Variants in ADAMTS6 observed in about 807,000 individuals in gnomAD.
ADAMTS6 encodes ADAM metallopeptidase with thrombospondin type 1 motif 6.
ADAMTS6 carries 23 observed loss-of-function variants against 144.3 expected under a neutral mutation model. The observed-to-expected ratio is 0.16, with a 90% CI of 0.11 to 0.23. ADAMTS6 has a LOEUF of 0.23. Ranked by LOEUF, ADAMTS6 falls within the 10% of genes least tolerant of loss-of-function variation. The pLI is 1.00. For missense variants in ADAMTS6, 999 were observed against 1,379.6 expected (o/e 0.72, Z 4.37); for synonymous variants, 444 against 457.5 (o/e 0.97, Z 0.38).
chr5:65,227,531 A>C (rs1757818676), intron 15 of ADAMTS6, among the ~76,000 whole-genome samples: 1 of 152,240 alleles, frequency 6.6e-6, no homozygotes, highest in African/African-American at 2.4e-5. Context: ...GAAATAAAGA[A>C]GACTACTTCT....
intron 20 of ADAMTS6, among the ~76,000 whole-genome samples, chr5:65,199,553 C>T (rs1260886937): frequency 6.6e-6 from 1 of 152,036 alleles, no homozygotes; most frequent in Admixed American, 6.6e-5. Flanking sequence ...TGGAAAATTA[C>T]ACAAAACCAC....
At chr5:65,360,869 T>C (rs937091691) in intron 7 of ADAMTS6, among the ~76,000 whole-genome samples, 3 of 152,236 alleles carry the variant, frequency 2.0e-5, no homozygotes, top group Non-Finnish European at 4.4e-5. Flanking sequence ...CTTACTGCTG[T>C]ATATCTGATA....
chr5:65,326,131 T>C (rs930749980), intron 9 of ADAMTS6, among the ~76,000 whole-genome samples: 4 of 152,134 alleles, frequency 2.6e-5, no homozygotes, highest in Admixed American at 2.0e-4. Context: ...CTTGTTAAGA[T>C]TATTTGTTTT....
intron 7 of ADAMTS6, among the ~76,000 whole-genome samples, chr5:65,444,013 A>G (rs1758073779): frequency 6.6e-6 from 1 of 152,194 alleles, no homozygotes; most frequent in African/African-American, 2.4e-5. Flanking sequence ...AACAAATAAA[A>G]GTCATTCATT....
intron 24 of ADAMTS6, among the ~76,000 whole-genome samples, chr5:65,161,929 T>C (rs1752805147): frequency 6.6e-6 from 1 of 152,248 alleles, no homozygotes; most frequent in Non-Finnish European, 1.5e-5. Flanking sequence ...GCAGGATTAA[T>C]AATTTCCTAA....
rs543258645 is a variant in ADAMTS6 at position 65,175,399 on chromosome 5, A to G, written c.2911-2391T>C. Among the ~76,000 whole-genome samples, 165 of 25,846 alleles carry G rather than the reference A, an allele frequency of 6.4e-3. 1 individual carries two copies. The highest frequency in any genetic ancestry group is 0.015 in the African/African-American group (152 of 9,840). The allele number at this position is 25,846 out of a possible 152,430, so 17.0% of individuals were successfully genotyped here. ...GAGAGAAATATACCAGAAGTTAAGG[A>G]AAAAAAAACAGTGTACCCTATTCCT... On this transcript the variant is annotated intron_variant, in intron 22 of 24. Transcript: ENST00000381055.
chr5:65,242,940 C>T (rs1261694594), intron 14 of ADAMTS6, among the ~76,000 whole-genome samples: 1 of 152,032 alleles, frequency 6.6e-6, no homozygotes, highest in African/African-American at 2.4e-5. Flanking sequence ...TTCAGAAATG[C>T]TTCTGAAGTT....
At chr5:65,252,488 G>A (rs1199890006) in intron 14 of ADAMTS6, among the ~76,000 whole-genome samples, 1 of 151,530 alleles carries the variant, frequency 6.6e-6, no homozygotes, top group Non-Finnish European at 1.5e-5. Flanking sequence ...TGATCCACCT[G>A]CCTTGGCCTC....
chr5:65,392,628 T>C (rs1456409093), intron 7 of ADAMTS6, among the ~76,000 whole-genome samples: 2 of 152,202 alleles, frequency 1.3e-5, no homozygotes, highest in East Asian at 1.9e-4. Flanking sequence ...TATTTAGCAC[T>C]GACCCTAACC....
At chr5:65,201,038 T>C (rs1387316047) in intron 20 of ADAMTS6, among the ~76,000 whole-genome samples, 1 of 152,214 alleles carries the variant, frequency 6.6e-6, no homozygotes, top group Non-Finnish European at 1.5e-5. Flanking sequence ...TTTTATACAA[T>C]GGGAAGAAGG....
chr5:65,416,177 A>C (rs10065173), intron 7 of ADAMTS6: 50,763 of 171,120 alleles, frequency 0.3, 8,594 homozygotes, highest in South Asian at 0.39. Flanking sequence ...CCCACTCCAG[A>C]GTCTCCATGC....
At chr5:65,201,178 C>T (rs1339699212) in intron 20 of ADAMTS6, among the ~76,000 whole-genome samples, 1 of 152,066 alleles carries the variant, frequency 6.6e-6, no homozygotes, top group African/African-American at 2.4e-5. Context: ...GGATGGAAAC[C>T]ATCTGCTGTT....
At chr5:65,389,677 CT>C (rs1323801490) in intron 7 of ADAMTS6, among the ~76,000 whole-genome samples, 2 of 151,222 alleles carry the variant, frequency 1.3e-5, no homozygotes, top group Admixed American at 6.6e-5. Context: ...TTTTTCCCCC[CT>C]ATACATTTAT....
chr5:65,317,175 GA>G (rs1480039468), intron 9 of ADAMTS6, among the ~76,000 whole-genome samples: 1 of 152,146 alleles, frequency 6.6e-6, no homozygotes, highest in East Asian at 1.9e-4. Flanking sequence ...CTGACGGAGT[GA>G]AAAGGAGAAG....
chr5:65,230,087 G>T (rs1433717053), intron 15 of ADAMTS6, among the ~76,000 whole-genome samples: 1 of 151,772 alleles, frequency 6.6e-6, no homozygotes, highest in Non-Finnish European at 1.5e-5. Flanking sequence ...GCCAGAAGAG[G>T]CTGATAGCTA....
intron 14 of ADAMTS6, 28 bp downstream of exon 14, chr5:65,260,572 T>G (rs775147081): frequency 4.3e-5 from 69 of 1,604,346 alleles, no homozygotes; most frequent in Non-Finnish European, 5.8e-5. Flanking sequence ...TAAGCTAATT[T>G]TTCATAACAG....
intron 7 of ADAMTS6, among the ~76,000 whole-genome samples, chr5:65,376,042 A>G (rs532075471): frequency 3.0e-4 from 46 of 151,186 alleles, no homozygotes; most frequent in Middle Eastern, 3.4e-3. Context: ...ATTCTCACTC[A>G]TAGGTGGGAA....
chr5:65,233,059 A>C (rs1331423312), intron 15 of ADAMTS6, among the ~76,000 whole-genome samples: 1 of 152,172 alleles, frequency 6.6e-6, no homozygotes, highest in East Asian at 1.9e-4. Context: ...CAAATCAGGC[A>C]CTGTAATACA....
chr5:65,385,999 C>T (rs548400795), intron 7 of ADAMTS6, among the ~76,000 whole-genome samples: 17 of 152,234 alleles, frequency 1.1e-4, no homozygotes, highest in African/African-American at 3.6e-4. Context: ...AAGCTGTTCA[C>T]GGCAACTAAA....
Sources: gnomAD v4.1 joint callset for allele counts (sites outside exome capture counted in the v4.1 genomes callset) on GRCh38, gnomAD v4.1.1 for gene constraint, MANE v1.5 for transcripts, NCBI Gene and HGNC (gene_info 2026-07-23, HGNC 2026-07-21) for gene names.